PCDHA10: variants seen among roughly 807,000 people sequenced by gnomAD.
PCDHA10 encodes the protein protocadherin alpha-10.
A neutral mutation model predicts 61.2 loss-of-function variants in PCDHA10; 45 were observed. The ratio of observed to expected loss-of-function variants is 0.74; its 90% CI spans 0.58 to 0.94. PCDHA10 has a LOEUF of 0.94. Among genes scored for constraint, PCDHA10 ranks in the 40% least tolerant of loss-of-function variants. PCDHA10 has a pLI of 0.00. For synonymous variants in PCDHA10, 602 were observed against 548.8 expected, an observed-to-expected ratio of 1.10 and a Z score of -1.35; for missense variants, 1,278 against 1,236.2, an observed-to-expected ratio of 1.03 and a Z score of -0.51.
At chr5:140,971,632 A>G (rs1228797401) in intron 1 of PCDHA10, among the ~76,000 whole-genome samples, 2 of 152,158 alleles carry the variant, frequency 1.3e-5, no homozygotes, top group Admixed American at 6.5e-5. Context: ...AATTAGTACC[A>G]TGTGCCTACA....
chr5:140,877,005 C>G, intron 1 of PCDHA10: 1 of 1,612,474 alleles, frequency 6.2e-7, no homozygotes, highest in Non-Finnish European at 8.5e-7. Context: ...TGTCGGTGCA[C>G]GCGGAGAGCG....
At chr5:140,993,509 CGG>C (rs2097568014) in intron 3 of PCDHA10, among the ~76,000 whole-genome samples, 2 of 143,600 alleles carry the variant, frequency 1.4e-5, no homozygotes, top group South Asian at 4.6e-4. Context: ...CACACACACA[CGG>C]GGAGAGAGAG....
intron 1 of PCDHA10, chr5:140,870,984 G>T (rs1554164960): frequency 3.7e-6 from 6 of 1,613,520 alleles, no homozygotes; most frequent in Non-Finnish European, 8.5e-7. Context: ...GGCTGTACAC[G>T]GGCGAGATAA....
At chr5:140,941,424 C>A (rs909959554) in intron 1 of PCDHA10, among the ~76,000 whole-genome samples, 2 of 148,790 alleles carry the variant, frequency 1.3e-5, no homozygotes, top group African/African-American at 5.0e-5. Flanking sequence ...TCAAGCAATT[C>A]TCTGCCTCAG....
chr5:140,858,391 T>C lies in PCDHA10; in HGVS notation c.2343T>C (p.Asp781=), dbSNP rs1214576702. Residue 781 remains aspartate (D), a synonymous_variant, in exon 1 of 4, where the codon GAT becomes GAC. Transcript: ENST00000307360. ...SPSLPPCPMV[D]VDGEDQSIGG... ...GCCTTCCACCATGCCCAATGGTAGA[T>C]GTGGACGGGGAAGATCAGTCTATTG... is the stretch of plus-strand genomic sequence containing the variant. 12 of 1,577,710 alleles carry C rather than the reference T, an allele frequency of 7.6e-6. 1 individual carries two copies. Among genetic ancestry groups the C allele is most frequent in the African/African-American group, 1.4e-5 (1 of 74,060 alleles).
At chr5:140,868,817 T>C in intron 1 of PCDHA10, 1 of 380,686 alleles carries the variant, frequency 2.6e-6, no homozygotes, top group South Asian at 6.7e-5. Context: ...TTGGAAATAT[T>C]TGGGGGAAGA....
Position 140,855,906 on chromosome 5 carries a change from C to G in PCDHA10, c.-143C>G, listed in dbSNP as rs1442009275. 3.5e-6 allele frequency: 4 copies of G among 1,137,256 alleles called. No homozygotes were observed. Among genetic ancestry groups the G allele is most frequent in the Non-Finnish European group, 3.7e-6 (3 of 807,928 alleles). 70.4% of individuals were successfully genotyped at this position (1,137,256 alleles called of 1,614,324 possible). ...TTAGAACAAAGGCATCAGCCAGTTT[C>G]TCAAGGACTAGGAAGTAGCGTCATT... On this transcript the variant is annotated 5_prime_UTR_variant, in exon 1 of 4. Coordinates refer to ENST00000307360, the MANE Select transcript of PCDHA10 (RefSeq NM_018901.4).
At chr5:140,998,199 C>A (rs1472137266) in intron 3 of PCDHA10, among the ~76,000 whole-genome samples, 2 of 152,172 alleles carry the variant, frequency 1.3e-5, no homozygotes, top group Non-Finnish European at 2.9e-5. Flanking sequence ...GTATTAACTC[C>A]TTTAATCTGT....
At chr5:141,009,150 G>T (rs1588228136) in intron 3 of PCDHA10, among the ~76,000 whole-genome samples, 1 of 152,300 alleles carries the variant, frequency 6.6e-6, no homozygotes, top group African/African-American at 2.4e-5. Context: ...CTGCCCTCTT[G>T]CTTGTCTGTA....
intron 1 of PCDHA10, among the ~76,000 whole-genome samples, chr5:140,939,692 A>T (rs2092437980): frequency 6.6e-6 from 1 of 152,222 alleles, no homozygotes; most frequent in African/African-American, 2.4e-5. Context: ...GTGTTGCTGG[A>T]CATTATCATT....
rs782733393 is a variant in PCDHA10 at position 140,875,889 on chromosome 5, G to A, written c.2388+17453G>A. The A allele has an allele frequency of 6.2e-6, 10 of 1,614,054 alleles. No homozygotes were observed. The South Asian group carries it at 8.8e-5, about 14-fold the overall frequency. On this transcript the variant is annotated intron_variant, in intron 1 of 3. Coordinates refer to ENST00000307360, the MANE Select transcript of PCDHA10 (RefSeq NM_018901.4). ...CGGTGTTCAGAGAAAGGGAACAAAA[G>A]GTACCTGTTTCTGAATCTGCGCCTC...
At position 141,007,395 on chromosome 5, in the gene PCDHA10, CAAAA is replaced by C. The variant is rs35800918; in HGVS notation, c.2537-2212_2537-2209del. Among the ~76,000 whole-genome samples the C allele has an allele frequency of 1.2e-3, 116 of 94,838 alleles. No homozygotes were observed. In the Middle Eastern group the frequency reaches 0.016, roughly 13 times the overall value. 62.2% of individuals were successfully genotyped at this position (94,838 alleles called of 152,430 possible). ...ATGGAACACCATCTCTACTAAAATA[CAAAA>C]AAAAAAAAAAAAAAAAAAATTAGCC... is the stretch of plus-strand genomic sequence containing the variant. On this transcript the variant is annotated intron_variant, in intron 3 of 3. Coordinates refer to ENST00000307360, the MANE Select transcript of PCDHA10 (RefSeq NM_018901.4).
intron 1 of PCDHA10, among the ~76,000 whole-genome samples, chr5:140,899,359 T>C (rs1247414230): frequency 6.6e-6 from 1 of 152,116 alleles, no homozygotes; most frequent in Non-Finnish European, 1.5e-5. Context: ...TTTTGAGATA[T>C]GTCCCATCAA....
intron 1 of PCDHA10, among the ~76,000 whole-genome samples, chr5:140,973,136 C>G (rs2096573800): frequency 6.6e-6 from 1 of 152,168 alleles, no homozygotes; most frequent in Admixed American, 6.5e-5. Context: ...TTTGCATTCA[C>G]TTTCACTTAT....
At chr5:140,954,214 T>C (rs1186171676) in intron 1 of PCDHA10, among the ~76,000 whole-genome samples, 1 of 152,254 alleles carries the variant, frequency 6.6e-6, no homozygotes, top group African/African-American at 2.4e-5. Flanking sequence ...TCCCATGTTT[T>C]TGCTATTGTG....
At chr5:140,976,423 T>C (rs1378184646) in intron 1 of PCDHA10, among the ~76,000 whole-genome samples, 22 of 151,886 alleles carry the variant, frequency 1.4e-4, no homozygotes, top group Admixed American at 1.3e-3. Context: ...CGGTGGCAGA[T>C]GCCTGTAATC....
chr5:140,975,686 A>G (rs558112597), intron 1 of PCDHA10, among the ~76,000 whole-genome samples: 1 of 152,328 alleles, frequency 6.6e-6, no homozygotes, highest in East Asian at 1.9e-4. Flanking sequence ...AAAATAGGGT[A>G]TTTTAAACTT....
chr5:140,968,262 A>G, intron 1 of PCDHA10: 5 of 1,614,054 alleles, frequency 3.1e-6, no homozygotes, highest in Non-Finnish European at 4.2e-6. Flanking sequence ...CCAGATGAAA[A>G]GGAGAATGCA....
intron 1 of PCDHA10, among the ~76,000 whole-genome samples, chr5:140,932,460 A>G (rs1275552236): frequency 6.6e-6 from 1 of 151,902 alleles, no homozygotes; most frequent in Non-Finnish European, 1.5e-5. Flanking sequence ...TTGCCAGGGT[A>G]TATAGGAAAT....
Sources: gnomAD v4.1 joint callset for allele counts (sites outside exome capture counted in the v4.1 genomes callset) on GRCh38, gnomAD v4.1.1 for gene constraint, MANE v1.5 for transcripts, NCBI Gene and HGNC (gene_info 2026-07-23, HGNC 2026-07-21) for gene names.